THADA: variants seen among roughly 807,000 people sequenced by gnomAD.
THADA encodes THADA armadillo repeat containing.
In THADA, 213 loss-of-function variants were observed where a neutral mutation model predicts 219.8. The ratio of observed to expected loss-of-function variants is 0.97; its 90% CI spans 0.87 to 1.09. The LOEUF (loss-of-function observed/expected upper bound fraction) is 1.09. Among genes scored for constraint, THADA ranks in the 50% least tolerant of loss-of-function variants. THADA has a pLI of 0.00. For missense variants in THADA, 2,956 were observed against 2,311.3 expected (o/e 1.28, Z -5.72); for synonymous variants, 1,018 against 828.9 (o/e 1.23, Z -3.92).
intron 26 of THADA, among the ~76,000 whole-genome samples, chr2:43,480,586 C>G (rs765891489): frequency 2.6e-5 from 4 of 151,698 alleles, no homozygotes; most frequent in Non-Finnish European, 5.9e-5. Flanking sequence ...CTGAGGCAGG[C>G]GATCACAAGG....
chr2:43,586,577 G>C (rs1701050235), intron 6 of THADA, 125 bp downstream of exon 6: 13 of 1,303,998 alleles, frequency 1.0e-5, no homozygotes, highest in Non-Finnish European at 1.4e-5. Context: ...TTAAAAGGAA[G>C]GGTCATGATG....
At chr2:43,433,548 A>T (rs563185033) in intron 26 of THADA, among the ~76,000 whole-genome samples, 2 of 151,998 alleles carry the variant, frequency 1.3e-5, no homozygotes, top group Admixed American at 6.5e-5. Context: ...ACAAACAAAC[A>T]AAAAAAGGAG....
Position 43,578,567 on chromosome 2 carries a change from A to C in THADA, c.762T>G (p.Ala254=), listed in dbSNP as rs773512210. The change falls in exon 9 of 38, where the codon GCT becomes GCG. Residue 254 remains alanine (A), a synonymous_variant. Transcript: ENST00000405975. ...LQTVQSTSGL[A]IILFIKTMFH... is the part of the protein sequence containing the mutation. Reference sequence around the variant, plus strand: ...ACATAGTCTTAATAAAAAGAATAATAGCTAATCCAGATGTGCTCTGTACAG... The same window carrying C: ...ACATAGTCTTAATAAAAAGAATAATCGCTAATCCAGATGTGCTCTGTACAG... The C allele has an allele frequency of 1.9e-6, 3 of 1,613,054 alleles. No homozygotes were observed. In the Admixed American group the frequency reaches 5.0e-5, roughly 27 times the overall value.
chr2:43,381,712 G>C (rs1051418832), intron 29 of THADA, among the ~76,000 whole-genome samples: 1 of 151,930 alleles, frequency 6.6e-6, no homozygotes, highest in African/African-American at 2.4e-5. Context: ...CTGAGTGGCT[G>C]AGATTACAGG....
At chr2:43,516,992 G>C (rs2103657767) in intron 22 of THADA, among the ~76,000 whole-genome samples, 1 of 152,216 alleles carries the variant, frequency 6.6e-6, no homozygotes, top group South Asian at 2.1e-4. Flanking sequence ...TCCTGATCAT[G>C]TTTTATTCAG....
intron 23 of THADA, among the ~76,000 whole-genome samples, chr2:43,506,137 C>T (rs540350898): frequency 6.6e-6 from 1 of 152,262 alleles, no homozygotes; most frequent in Admixed American, 6.5e-5. Flanking sequence ...AGCAAAAAAT[C>T]TCTGGATTAA....
At position 43,441,869 on chromosome 2, in the gene THADA, G is replaced by A. The variant is rs182746392; in HGVS notation, c.3837-11567C>T. Among the ~76,000 whole-genome samples the A allele has an allele frequency of 1.4e-4, 22 of 152,188 alleles. No homozygotes were observed. The East Asian group carries it at 3.3e-3, about 23-fold the overall frequency. On this transcript the variant is annotated intron_variant, in intron 26 of 37. Coordinates refer to ENST00000405975, the MANE Select transcript of THADA (RefSeq NM_022065.5). ...ACTTAATCAAAACTGTAATGTGATCGTATTTTTTTCACAAAAGTAGCAAAT... is the reference window on the plus strand; with the variant it reads ...ACTTAATCAAAACTGTAATGTGATCATATTTTTTTCACAAAAGTAGCAAAT...
At chr2:43,588,648 T>C (rs1701238651) in intron 4 of THADA, among the ~76,000 whole-genome samples, 1 of 152,166 alleles carries the variant, frequency 6.6e-6, no homozygotes, top group Non-Finnish European at 1.5e-5. Flanking sequence ...TGATAGCATT[T>C]TCCTTCATTA....
chr2:43,419,790 T>C (rs775607753), intron 28 of THADA, among the ~76,000 whole-genome samples: 3 of 150,560 alleles, frequency 2.0e-5, no homozygotes, highest in Non-Finnish European at 4.4e-5. Context: ...ACTGTTAAGA[T>C]ACTTTAAAAT....
intron 7 of THADA, among the ~76,000 whole-genome samples, chr2:43,583,117 C>T (rs1428041599): frequency 1.3e-5 from 2 of 152,118 alleles, no homozygotes; most frequent in Non-Finnish European, 2.9e-5. Context: ...CTAACCCAGA[C>T]CTCTCTGTCT....
At chr2:43,374,822 T>C (rs1671195066) in intron 29 of THADA, among the ~76,000 whole-genome samples, 1 of 152,022 alleles carries the variant, frequency 6.6e-6, no homozygotes, top group African/African-American at 2.4e-5. Flanking sequence ...TCATAAAATA[T>C]TGAAAAAATA....
chr2:43,434,916 T>C (rs1679870773), intron 26 of THADA, among the ~76,000 whole-genome samples: 1 of 152,110 alleles, frequency 6.6e-6, no homozygotes, highest in Non-Finnish European at 1.5e-5. Context: ...ACACACCCAC[T>C]GGGGCTTCAG....
At chr2:43,411,489 C>T (rs1016291854) in intron 28 of THADA, among the ~76,000 whole-genome samples, 6 of 152,084 alleles carry the variant, frequency 3.9e-5, no homozygotes, top group Non-Finnish European at 8.8e-5. Flanking sequence ...AGATTCCCCT[C>T]CCCCCAACTT....
chr2:43,592,401 G>A lies in THADA; in HGVS notation c.-9C>T. On this transcript the variant is annotated 5_prime_UTR_variant, in exon 2 of 38. Coordinates refer to ENST00000405975, the MANE Select transcript of THADA (RefSeq NM_022065.5). ...TTCTTCTTTACACCCATTTTAAATAGAATTAATAGTAGTCACTGCAAGAAA... is the reference window on the plus strand; with the variant it reads ...TTCTTCTTTACACCCATTTTAAATAAAATTAATAGTAGTCACTGCAAGAAA... 1 of 1,578,470 alleles carries A rather than the reference G, an allele frequency of 6.3e-7. No homozygotes were observed. The highest frequency in any genetic ancestry group is 8.6e-7 in the Non-Finnish European group (1 of 1,156,946).
intron 35 of THADA, among the ~76,000 whole-genome samples, chr2:43,282,772 C>G (rs1279811344): frequency 2.0e-5 from 3 of 152,132 alleles, no homozygotes; most frequent in Admixed American, 2.0e-4. Flanking sequence ...CTTTTCAATT[C>G]CTTAGGATAT....
intron 31 of THADA, among the ~76,000 whole-genome samples, chr2:43,295,405 C>A (rs1675251975): frequency 6.6e-6 from 1 of 152,370 alleles, no homozygotes; most frequent in South Asian, 2.1e-4. Flanking sequence ...CGGTTTGAGT[C>A]ATCCCCCACT....
intron 31 of THADA, among the ~76,000 whole-genome samples, chr2:43,311,225 G>A (rs1386648232): frequency 2.0e-5 from 3 of 150,394 alleles, no homozygotes; most frequent in Non-Finnish European, 4.4e-5. Context: ...AGGATCTGAA[G>A]AGACCGTTCT....
intron 35 of THADA, among the ~76,000 whole-genome samples, chr2:43,284,338 G>T (rs1481742219): frequency 6.6e-6 from 1 of 152,180 alleles, no homozygotes; most frequent in African/African-American, 2.4e-5. Flanking sequence ...GCTGCTCTGT[G>T]CAGCCTCAGG....
At chr2:43,591,077 T>C (rs990406790) in intron 3 of THADA, 123 bp from the exon 4 acceptor site, 11 of 887,962 alleles carry the variant, frequency 1.2e-5, no homozygotes, top group African/African-American at 3.4e-5. Context: ...TCCCAACACT[T>C]TGGGAGGCTG....
Sources: gnomAD v4.1 joint callset for allele counts (sites outside exome capture counted in the v4.1 genomes callset) on GRCh38, gnomAD v4.1.1 for gene constraint, MANE v1.5 for transcripts, NCBI Gene and HGNC (gene_info 2026-07-23, HGNC 2026-07-21) for gene names.